FHIT: variants seen among roughly 807,000 people sequenced by gnomAD.
FHIT encodes fragile histidine triad diadenosine triphosphatase, also known as bis(5'-adenosyl)-triphosphatase.
FHIT carries 19 observed loss-of-function variants against 17.9 expected under a neutral mutation model. The ratio of observed to expected loss-of-function variants is 1.06; its 90% CI spans 0.74 to 1.56. The LOEUF (loss-of-function observed/expected upper bound fraction) is 1.56, where lower values mean the gene tolerates loss of function less well. FHIT is among the 40% of genes most tolerant of loss of function. The pLI, the probability that FHIT is intolerant of heterozygous loss-of-function variation, is 0.00. For missense variants in FHIT, 248 were observed against 189.2 expected, an observed-to-expected ratio of 1.31 and a Z score of -1.82; for synonymous variants, 81 against 69.7, an observed-to-expected ratio of 1.16 and a Z score of -0.81.
At chr3:61,189,422 T>C (rs965334922) in intron 2 of FHIT, among the ~76,000 whole-genome samples, 1 of 151,948 alleles carries the variant, frequency 6.6e-6, no homozygotes, top group South Asian at 2.1e-4. Flanking sequence ...CACTGCTCAG[T>C]GAAATAAAAG....
intron 5 of FHIT, among the ~76,000 whole-genome samples, chr3:60,395,585 A>G (rs1287095598): frequency 6.6e-6 from 1 of 152,184 alleles, no homozygotes; most frequent in Admixed American, 6.5e-5. Flanking sequence ...TATGAGCTAG[A>G]TAGAGAGTCT....
intron 5 of FHIT, among the ~76,000 whole-genome samples, chr3:60,265,617 T>C (rs530542567): frequency 1.3e-5 from 2 of 152,046 alleles, no homozygotes; most frequent in Non-Finnish European, 2.9e-5. Context: ...TTGAAGGACA[T>C]CATTAATAAA....
At chr3:59,901,931 C>T (rs919419358) in intron 8 of FHIT, among the ~76,000 whole-genome samples, 1 of 152,042 alleles carries the variant, frequency 6.6e-6, no homozygotes, top group African/African-American at 2.4e-5. Flanking sequence ...TATGGCCTAG[C>T]CATACAATGG....
chr3:60,523,985 C>A (rs532884330), intron 5 of FHIT, among the ~76,000 whole-genome samples: 82 of 152,334 alleles, frequency 5.4e-4, no homozygotes, highest in African/African-American at 1.9e-3. Context: ...CATTATTCTA[C>A]TTGTTAAATG....
intron 2 of FHIT, among the ~76,000 whole-genome samples, chr3:61,156,628 A>C (rs1014045983): frequency 6.6e-6 from 1 of 152,186 alleles, no homozygotes; most frequent in African/African-American, 2.4e-5. Flanking sequence ...CTCCAAGTTT[A>C]AGAGGTAAAG....
intron 3 of FHIT, among the ~76,000 whole-genome samples, chr3:60,945,560 T>C (rs985487585): frequency 1.3e-5 from 2 of 152,100 alleles, no homozygotes; most frequent in Non-Finnish European, 2.9e-5. Context: ...GCCCCGCTTA[T>C]TTTTTGTATA....
At chr3:60,230,726 T>C (rs35007946) in intron 5 of FHIT, among the ~76,000 whole-genome samples, 28,993 of 152,180 alleles carry the variant, frequency 0.19, 2,834 homozygotes, top group East Asian at 0.25. Context: ...ATTTGTGTTT[T>C]TGAGATTGAA....
intron 5 of FHIT, among the ~76,000 whole-genome samples, chr3:60,018,009 T>G (rs1700409782): frequency 6.6e-6 from 1 of 152,216 alleles, no homozygotes; most frequent in Admixed American, 6.5e-5. Flanking sequence ...TGTGTTGTTA[T>G]AAAAGAACAC....
chr3:60,177,920 T>C (rs1701753606), intron 5 of FHIT, among the ~76,000 whole-genome samples: 1 of 152,170 alleles, frequency 6.6e-6, no homozygotes, highest in South Asian at 2.1e-4. Context: ...CCCAAAGTAT[T>C]TTGAGTTGCT....
chr3:61,126,202 C>A (rs2036601236), intron 2 of FHIT, among the ~76,000 whole-genome samples: 1 of 151,998 alleles, frequency 6.6e-6, no homozygotes, highest in African/African-American at 2.4e-5. Flanking sequence ...TTGAGCCAGA[C>A]ACCATCCTAG....
chr3:61,161,137 T>TAAAA (rs201875023), intron 2 of FHIT, among the ~76,000 whole-genome samples: 1 of 133,350 alleles, frequency 7.5e-6, no homozygotes, highest in Non-Finnish European at 1.6e-5. Flanking sequence ...CATCCACAGT[T>TAAAA]AAAAAAAAAA....
At chr3:60,238,143 CAAAA>C (rs5849346) in intron 5 of FHIT, among the ~76,000 whole-genome samples, 1 of 111,820 alleles carries the variant, frequency 8.9e-6, no homozygotes, top group Non-Finnish European at 1.7e-5. Context: ...GACTCCGTCT[CAAAA>C]AAAAAAAAAA....
chr3:61,214,991 A>C (rs909934531), intron 1 of FHIT, among the ~76,000 whole-genome samples: 9 of 151,682 alleles, frequency 5.9e-5, no homozygotes, highest in East Asian at 1.9e-4. Context: ...TGAATTAGGT[A>C]TTGATGGGAC....
intron 3 of FHIT, among the ~76,000 whole-genome samples, chr3:60,968,511 C>A (rs900397393): frequency 6.7e-6 from 1 of 150,336 alleles, no homozygotes; most frequent in Non-Finnish European, 1.5e-5. Flanking sequence ...TCCTGGGGTT[C>A]AAACAATTCT....
chr3:60,321,319 T>C (rs780837574), intron 5 of FHIT, among the ~76,000 whole-genome samples: 1 of 152,014 alleles, frequency 6.6e-6, no homozygotes, highest in South Asian at 2.1e-4. Context: ...ATCTCTAAAA[T>C]ACAAAAAATA....
intron 2 of FHIT, among the ~76,000 whole-genome samples, chr3:61,189,456 A>C (rs1249925504): frequency 3.9e-5 from 6 of 152,222 alleles, no homozygotes; most frequent in African/African-American, 7.2e-5. Flanking sequence ...ATGGAAGAAC[A>C]TTCCATGCCC....
intron 5 of FHIT, among the ~76,000 whole-genome samples, chr3:60,135,638 C>A (rs1405497586): frequency 6.6e-6 from 1 of 152,078 alleles, no homozygotes; most frequent in Non-Finnish European, 1.5e-5. Context: ...AAGCAACTAA[C>A]CCTGACCTAC....
chr3:60,133,856 A>AC (rs771821822), intron 5 of FHIT, among the ~76,000 whole-genome samples: 13 of 151,978 alleles, frequency 8.6e-5, no homozygotes, highest in Non-Finnish European at 1.5e-4. Flanking sequence ...AAAAAAAAAA[A>AC]CATGTTTCCA....
At chr3:60,019,147 A>G (rs906874664) in intron 5 of FHIT, among the ~76,000 whole-genome samples, 2 of 152,138 alleles carry the variant, frequency 1.3e-5, no homozygotes, top group Non-Finnish European at 2.9e-5. Context: ...TTCACTCTAC[A>G]TGCTCTTCCA....
Sources: allele counts gnomAD v4.1 joint callset (sites outside exome capture counted in the v4.1 genomes callset), GRCh38; gene constraint gnomAD v4.1.1; transcripts MANE v1.5; gene names NCBI Gene and HGNC (gene_info 2026-07-23, HGNC 2026-07-21).